TMEM132D: variants seen among roughly 807,000 people sequenced by gnomAD.
TMEM132D encodes the protein mature OL transmembrane protein.
TMEM132D carries 21 observed loss-of-function variants against 62.3 expected under a neutral mutation model. The observed-to-expected ratio is 0.34, with a 90% CI of 0.24 to 0.49. TMEM132D has a LOEUF of 0.49. TMEM132D is among the 20% of genes least tolerant of loss of function. TMEM132D has a pLI of 0.99. For missense variants in TMEM132D, 1,346 were observed against 1,402.8 expected (o/e 0.96, Z 0.65); for synonymous variants, 621 against 575.6 (o/e 1.08, Z -1.13).
intron 2 of TMEM132D, among the ~76,000 whole-genome samples, chr12:129,543,723 T>C (rs1876655739): frequency 1.3e-5 from 2 of 152,236 alleles, no homozygotes; most frequent in South Asian, 4.1e-4. Context: ...AAAATAGTTA[T>C]AAGTTGAACC....
At chr12:129,675,493 A>G (rs1593115545) in intron 2 of TMEM132D, among the ~76,000 whole-genome samples, 2 of 152,354 alleles carry the variant, frequency 1.3e-5, no homozygotes, top group East Asian at 3.9e-4. Context: ...ATACCTATGT[A>G]ACAAACCGGC....
intron 5 of TMEM132D, among the ~76,000 whole-genome samples, chr12:129,096,333 G>A (rs981202447): frequency 6.6e-6 from 1 of 152,148 alleles, no homozygotes; most frequent in African/African-American, 2.4e-5. Flanking sequence ...GGGGAGCAGA[G>A]GCTGAGACAG....
intron 2 of TMEM132D, among the ~76,000 whole-genome samples, chr12:129,566,323 A>G (rs1365321977): frequency 6.6e-6 from 1 of 152,130 alleles, no homozygotes; most frequent in African/African-American, 2.4e-5. Context: ...GCATCTCAAC[A>G]TTGCAAACCA....
chr12:129,817,488 T>C (rs1872381338), intron 1 of TMEM132D, among the ~76,000 whole-genome samples: 1 of 152,178 alleles, frequency 6.6e-6, no homozygotes, highest in Non-Finnish European at 1.5e-5. Flanking sequence ...CAGGATCTGT[T>C]GGTAAAACCT....
chr12:129,366,367 A>T (rs1256559915), intron 3 of TMEM132D, among the ~76,000 whole-genome samples: 1 of 152,028 alleles, frequency 6.6e-6, no homozygotes, highest in African/African-American at 2.4e-5. Flanking sequence ...TTCTCACAAG[A>T]TCTGGTTGTT....
At chr12:129,755,186 T>C (rs1242291094) in intron 1 of TMEM132D, among the ~76,000 whole-genome samples, 9 of 152,218 alleles carry the variant, frequency 5.9e-5, no homozygotes, top group Admixed American at 5.9e-4. Context: ...CAAATGGACA[T>C]TAACTAGTGT....
chr12:129,666,220 G>A (rs1295132222), intron 2 of TMEM132D, among the ~76,000 whole-genome samples: 4 of 152,088 alleles, frequency 2.6e-5, no homozygotes, highest in African/African-American at 9.7e-5. Flanking sequence ...TTCCTCCAGG[G>A]CTCCACCCTG....
intron 2 of TMEM132D, among the ~76,000 whole-genome samples, chr12:129,637,466 C>A (rs557826650): frequency 6.6e-6 from 1 of 152,214 alleles, no homozygotes; most frequent in Non-Finnish European, 1.5e-5. Flanking sequence ...TGGTTTACTA[C>A]CATCCCCCTT....
At chr12:129,347,827 T>C (rs1012119299) in intron 3 of TMEM132D, among the ~76,000 whole-genome samples, 8 of 152,108 alleles carry the variant, frequency 5.3e-5, no homozygotes, top group African/African-American at 1.9e-4. Context: ...AAAGGTCTAA[T>C]ATCCAAAATC....
At chr12:129,424,601 G>A (rs573336258) in intron 3 of TMEM132D, among the ~76,000 whole-genome samples, 86 of 151,134 alleles carry the variant, frequency 5.7e-4, no homozygotes, top group African/African-American at 1.8e-3. Context: ...CCAGCTACTC[G>A]GGAGGCTGAG....
At chr12:129,377,093 G>C (rs1239312966) in intron 3 of TMEM132D, among the ~76,000 whole-genome samples, 1 of 152,152 alleles carries the variant, frequency 6.6e-6, no homozygotes, top group Non-Finnish European at 1.5e-5. Context: ...TTGTGTCTCA[G>C]TTTACCTTTT....
chr12:129,321,378 CA>C (rs1242688423), intron 4 of TMEM132D, among the ~76,000 whole-genome samples: 1 of 152,176 alleles, frequency 6.6e-6, no homozygotes, highest in African/African-American at 2.4e-5. Flanking sequence ...TTACTGTGAT[CA>C]GGGGTGACAG....
intron 3 of TMEM132D, among the ~76,000 whole-genome samples, chr12:129,359,930 ATAATCT>A (rs144859990): frequency 0.018 from 2,741 of 152,250 alleles, 71 homozygotes; most frequent in African/African-American, 0.048. Context: ...TAAGCACAAA[ATAATCT>A]TAATTTAAAC....
intron 2 of TMEM132D, among the ~76,000 whole-genome samples, chr12:129,662,310 T>C (rs1461454859): frequency 6.6e-6 from 1 of 152,206 alleles, no homozygotes; most frequent in African/African-American, 2.4e-5. Context: ...TGCTGACTTA[T>C]CCATGCCAGG....
At chr12:129,671,358 G>A (rs897823444) in intron 2 of TMEM132D, among the ~76,000 whole-genome samples, 11 of 152,126 alleles carry the variant, frequency 7.2e-5, no homozygotes, top group Admixed American at 2.6e-4. Context: ...AATTGAAAAT[G>A]AGTTTCCATG....
chr12:129,293,316 G>A (rs570919444), intron 4 of TMEM132D, among the ~76,000 whole-genome samples: 58 of 152,172 alleles, frequency 3.8e-4, no homozygotes, highest in African/African-American at 1.3e-3. Context: ...CGGACACCTG[G>A]GTCTCAGAAG....
chr12:129,600,513 T>C (rs1878457591), intron 2 of TMEM132D, among the ~76,000 whole-genome samples: 1 of 152,228 alleles, frequency 6.6e-6, no homozygotes. Flanking sequence ...CAAAAGGTTT[T>C]CAACTTACTT....
At chr12:129,087,353 T>C (rs1874653608) in intron 5 of TMEM132D, among the ~76,000 whole-genome samples, 1 of 151,932 alleles carries the variant, frequency 6.6e-6, no homozygotes, top group African/African-American at 2.4e-5. Context: ...ATACACCACA[T>C]TTTCTTTATC....
intron 3 of TMEM132D, among the ~76,000 whole-genome samples, chr12:129,404,914 TA>T (rs1452069385): frequency 6.6e-6 from 1 of 152,050 alleles, no homozygotes; most frequent in Non-Finnish European, 1.5e-5. Context: ...ACTTGCATGC[TA>T]AAAAGATCAT....
Sources: gnomAD v4.1 joint callset for allele counts (sites outside exome capture counted in the v4.1 genomes callset) on GRCh38, gnomAD v4.1.1 for gene constraint, MANE v1.5 for transcripts, NCBI Gene and HGNC (gene_info 2026-07-23, HGNC 2026-07-21) for gene names.